The following CSNK1E variants were observed in gnomAD, a reference collection of about 807,000 sequenced individuals.
CSNK1E encodes casein kinase 1 epsilon, also known as casein kinase I isoform epsilon.
CSNK1E carries 17 observed loss-of-function variants against 46.1 expected under a neutral mutation model. That is an observed-to-expected ratio of 0.37 (90% CI 0.25 to 0.55). The LOEUF (loss-of-function observed/expected upper bound fraction) is 0.55, where lower values mean the gene tolerates loss of function less well. Among genes scored for constraint, CSNK1E ranks in the 20% least tolerant of loss-of-function variants. CSNK1E has a pLI of 0.82. For missense variants in CSNK1E, 386 were observed against 595.4 expected, an observed-to-expected ratio of 0.65 and a Z score of 3.66; for synonymous variants, 241 against 242.6, an observed-to-expected ratio of 0.99 and a Z score of 0.06.
intron 7 of CSNK1E, among the ~76,000 whole-genome samples, chr22:38,295,938 G>A (rs987600619): frequency 1.3e-5 from 2 of 152,242 alleles, no homozygotes; most frequent in African/African-American, 2.4e-5. Context: ...GGAGGAACAC[G>A]AGCTGTGGCA....
intron 7 of CSNK1E, chr22:38,297,010 G>C: frequency 3.0e-6 from 2 of 677,560 alleles, no homozygotes; most frequent in Non-Finnish European, 5.4e-6. Context: ...CTGACCTCAA[G>C]TCATCCGCCC....
chr22:38,296,676 G>T, intron 7 of CSNK1E: 1 of 1,612,620 alleles, frequency 6.2e-7, no homozygotes, highest in Non-Finnish European at 8.5e-7. Flanking sequence ...GGGTGGAGAG[G>T]TGCTCCTGGC....
Position 38,293,910 on chromosome 22 carries a change from T to C in CSNK1E, c.1218+199A>G, listed in dbSNP as rs2092625241. Reference sequence around the variant, plus strand: ...CAGGGAATGTTACTGCCCTGAGCCTTGGTGAATGACTTTGCTCAAGAGGGC... The same window carrying C: ...CAGGGAATGTTACTGCCCTGAGCCTCGGTGAATGACTTTGCTCAAGAGGGC... On this transcript the variant is annotated intron_variant, in intron 9 of 10. Transcript: ENST00000396832. The C allele has an allele frequency of 7.9e-6, 5 of 633,952 alleles. No individual in the cohort carries two copies. The Admixed American group carries it at 1.5e-4, about 19-fold the overall frequency. 39.3% of individuals were successfully genotyped at this position (633,952 alleles called of 1,614,324 possible).
chr22:38,304,312 C>T (rs2092688509), intron 2 of CSNK1E, among the ~76,000 whole-genome samples: 1 of 152,132 alleles, frequency 6.6e-6, no homozygotes, highest in Admixed American at 6.5e-5. Flanking sequence ...TGTCCCTGAA[C>T]AACCGGCTGG....
At position 38,294,237 on chromosome 22, in the gene CSNK1E, G is replaced by C; in HGVS notation, c.1090C>G (p.Pro364Ala). 1 of 1,612,314 alleles carries C rather than the reference G, an allele frequency of 6.2e-7. No individual in the cohort carries two copies. Among genetic ancestry groups the C allele is most frequent in the Non-Finnish European group, 8.5e-7 (1 of 1,179,938 alleles). ...SRIQPAGNTS[P>A]RAISRVDRER... Reference sequence around the variant, plus strand: ...CGGTCGACCCGCGAGATCGCTCTGGGAGAAGTATTGCCTGGAGGGAGAGTG... The same window carrying C: ...CGGTCGACCCGCGAGATCGCTCTGGCAGAAGTATTGCCTGGAGGGAGAGTG... The change falls in exon 9 of 11, where the codon CCC becomes GCC. Residue 364 changes from proline to alanine, a missense_variant. Pro to Ala is a conservative substitution (Grantham distance 27). This residue lies in a region of CSNK1E where 174 missense variants were observed against 185.2 expected (regional missense o/e 0.94). Transcript: ENST00000396832. The surrounding 1 kb of genome is among the most constrained non-coding windows in gnomAD (Gnocchi z 5.5).
rs1419404769 is a variant in CSNK1E, at chr22:38,303,358, C to G, written c.77-110G>C. 1.1e-6 allele frequency: 1 copy of G among 944,040 alleles called. No individual in the cohort carries two copies. Among genetic ancestry groups the G allele is most frequent in the East Asian group, 2.6e-5 (1 of 37,834 alleles). 58.5% of individuals were successfully genotyped at this position (944,040 alleles called of 1,614,324 possible). ...TGGCGTGTGCCGGGCCCGGGGCCAT[C>G]TGCCCTTGAGGAGCTCTTGGGGGAG... On this transcript the variant is annotated intron_variant, in intron 2 of 10. Coordinates refer to ENST00000396832, the MANE Select transcript of CSNK1E (RefSeq NM_152221.3). The surrounding 1 kb of genome is among the most constrained non-coding windows in gnomAD (Gnocchi z 4.7).
At chr22:38,293,557 C>G (rs1411079336) in intron 9 of CSNK1E, among the ~76,000 whole-genome samples, 2 of 151,906 alleles carry the variant, frequency 1.3e-5, no homozygotes, top group Non-Finnish European at 2.9e-5. Flanking sequence ...AAACCTGCTA[C>G]CTAAGTAGAT....
At chr22:38,317,062 CCCTT>C (rs2092750730) in intron 1 of CSNK1E, 94 bp downstream of exon 1, 2 of 151,946 alleles carry the variant, frequency 1.3e-5, no homozygotes, top group African/African-American at 4.8e-5. Context: ...TGTCTGCCCT[CCCTT>C]CCCTCCCTCT....
chr22:38,307,250 A>G (rs1436189763), intron 2 of CSNK1E, among the ~76,000 whole-genome samples: 1 of 152,198 alleles, frequency 6.6e-6, no homozygotes, highest in Non-Finnish European at 1.5e-5. Flanking sequence ...TGTATTAGGT[A>G]TTATAAGTGA....
intron 4 of CSNK1E, 119 bp downstream of exon 4, chr22:38,302,740 AGC>A (rs2092679622): frequency 8.9e-7 from 1 of 1,129,912 alleles, no homozygotes; most frequent in African/African-American, 1.6e-5. Context: ...ACAATTCTAT[AGC>A]CAGTGGACAA....
In CSNK1E at chr22:38,294,601, T is replaced by C; in HGVS notation, c.886-67A>G. The C allele has an allele frequency of 1.4e-6, 2 of 1,452,270 alleles. No homozygotes were observed. The highest frequency in any genetic ancestry group is 1.8e-6 in the Non-Finnish European group (2 of 1,085,860). The allele number at this position is 1,452,270 out of a possible 1,614,324, so 90.0% of individuals were successfully genotyped here. On this transcript the variant is annotated intron_variant, in intron 7 of 10. Coordinates refer to ENST00000396832, the MANE Select transcript of CSNK1E (RefSeq NM_152221.3). This position sits in a 1 kb window ranked among gnomAD's most constrained non-coding sequence, Gnocchi z 5.5. ...CAGGGTGCTCTGGGCCCAGCAGCCC[T>C]GCAGGGCACAGAAGGGGAGGGAGGC... is the stretch of plus-strand genomic sequence containing the variant.
rs996682804 is a variant in CSNK1E at position 38,296,419 on chromosome 22, A to C, written c.886-1885T>G. The C allele has an allele frequency of 4.9e-6, 7 of 1,436,336 alleles. No homozygotes were observed. The African/African-American group carries it at 7.2e-5, about 15-fold the overall frequency. 89.0% of individuals were successfully genotyped at this position (1,436,336 alleles called of 1,614,324 possible). A position where few individuals can be genotyped will look rare whatever the true frequency, so the allele number is the denominator to read the frequency against. On this transcript the variant is annotated intron_variant, in intron 7 of 10. Transcript: ENST00000396832. ...TCCCAGCACCCCGGTGCAGCCAACA[A>C]CACAGGGTGTCCTGTCTACTGTTGG... is the stretch of plus-strand genomic sequence containing the variant.
At chr22:38,293,126 T>G in intron 10 of CSNK1E, 129 bp downstream of exon 10, 3 of 776,978 alleles carry the variant, frequency 3.9e-6, no homozygotes, top group South Asian at 2.8e-5. Context: ...CTTAGAGTTC[T>G]GGGGCGCCTG....
chr22:38,292,531 T>A (rs2092616764), intron 10 of CSNK1E: 1 of 152,216 alleles, frequency 6.6e-6, no homozygotes, highest in Admixed American at 6.5e-5. Flanking sequence ...CACTCTCTTG[T>A]GTGGATGAAT....
At position 38,317,347 on chromosome 22, in the gene CSNK1E, TCGCCGC is replaced by T. The variant is rs533879848; in HGVS notation, c.-206_-201del. On this transcript the variant is annotated 5_prime_UTR_variant, in exon 1 of 11. Transcript: ENST00000396832. ...CCGGCCGGGCTCTGGCTCTGGGCTC[TCGCCGC>T]CGCCGCCGCCGCCGCCGCCGCCTCC... The T allele has an allele frequency of 2.1e-3, 261 of 123,526 alleles. 3 individuals are homozygous for T. The highest frequency in any genetic ancestry group is 0.02 in the East Asian group (79 of 3,976). The allele number at this position is 123,526 out of a possible 1,614,324, so 7.7% of individuals were successfully genotyped here.
chr22:38,294,052 T>C lies in CSNK1E; in HGVS notation c.1218+57A>G. 6.4e-7 allele frequency: 1 copy of C among 1,574,632 alleles called. No individual in the cohort carries two copies. The highest frequency in any genetic ancestry group is 8.6e-7 in the Non-Finnish European group (1 of 1,161,878). ...ACAGAGCCACGGCCTGACCTCCCAC[T>C]GGGGGGTCTCTAACTCAGTTCTGAG... On this transcript the variant is annotated intron_variant, in intron 9 of 10. Coordinates refer to ENST00000396832, the MANE Select transcript of CSNK1E (RefSeq NM_152221.3). The surrounding 1 kb of genome is among the most constrained non-coding windows in gnomAD (Gnocchi z 5.5).
chr22:38,297,196 G>C, intron 7 of CSNK1E: 1 of 773,546 alleles, frequency 1.3e-6, no homozygotes. Context: ...GTGCTGAGCT[G>C]GAGGGCCAAG....
In CSNK1E at chr22:38,303,294, C is replaced by T. The variant is rs2092683265; in HGVS notation, c.77-46G>A. ...AGGGACCAGGGTCACCCTCAAAGGC[C>T]AGGCAGTCCCAGGCGCCCCACTAAG... On this transcript the variant is annotated intron_variant, in intron 2 of 10. Transcript: ENST00000396832. This position sits in a 1 kb window ranked among gnomAD's most constrained non-coding sequence, Gnocchi z 4.7. The T allele has an allele frequency of 6.8e-7, 1 of 1,465,814 alleles. No homozygotes were observed. The highest frequency in any genetic ancestry group is 1.4e-5 in the African/African-American group (1 of 71,920). 90.8% of individuals were successfully genotyped at this position (1,465,814 alleles called of 1,614,324 possible).
At chr22:38,299,045 T>G in intron 6 of CSNK1E, 111 bp from the exon 7 acceptor site, 1 of 1,265,144 alleles carries the variant, frequency 7.9e-7, no homozygotes, top group African/African-American at 1.5e-5. Context: ...TTCCAATCTG[T>G]GAGAGGCAAG....
Sources: allele counts gnomAD v4.1 joint callset (sites outside exome capture counted in the v4.1 genomes callset), GRCh38; gene constraint gnomAD v4.1.1; regional missense constraint gnomAD v4.1.1; non-coding constraint Gnocchi (gnomAD v3.1); transcripts MANE v1.5; gene names NCBI Gene and HGNC (gene_info 2026-07-23, HGNC 2026-07-21).